Variants in PCDHA2 observed in about 807,000 individuals in gnomAD.
The protein encoded by PCDHA2 is protocadherin alpha 2, also known as protocadherin alpha-2.
PCDHA2 carries 58 observed loss-of-function variants against 66.0 expected under a neutral mutation model. The ratio of observed to expected loss-of-function variants is 0.88; its 90% confidence interval spans 0.71 to 1.09. The LOEUF (loss-of-function observed/expected upper bound fraction) is 1.09, where lower values mean the gene tolerates loss of function less well. PCDHA2 is among the 50% of genes least tolerant of loss of function. The probability of loss-of-function intolerance (pLI) is 0.00; values close to 1 mark genes in which losing one functional copy is unlikely to be tolerated. For missense variants in PCDHA2, 1,267 were observed against 1,242.3 expected, an observed-to-expected ratio of 1.02 and a Z score of -0.30; for synonymous variants, 634 against 554.0, an observed-to-expected ratio of 1.14 and a Z score of -2.03.
At chr5:140,876,859 T>A in intron 1 of PCDHA2, 1 of 1,614,068 alleles carries the variant, frequency 6.2e-7, no homozygotes, top group Non-Finnish European at 8.5e-7. Flanking sequence ...GTACACAGTG[T>A]TCGTGAAGGA....
chr5:140,967,865 C>G, intron 1 of PCDHA2: 1 of 1,614,164 alleles, frequency 6.2e-7, no homozygotes, highest in Non-Finnish European at 8.5e-7. Flanking sequence ...AGAGGTGGTG[C>G]TCACGGACCT....
At chr5:140,807,899 A>C (rs1391356364) in intron 1 of PCDHA2, 3 of 1,614,010 alleles carry the variant, frequency 1.9e-6, no homozygotes, top group Non-Finnish European at 2.5e-6. Context: ...TGCCAATGAC[A>C]ATGCCCCAGC....
chr5:140,825,182 T>C (rs1768472310), intron 1 of PCDHA2: 1 of 151,808 alleles, frequency 6.6e-6, no homozygotes. Context: ...CTAATGTATC[T>C]TGATGATCAT....
chr5:140,870,695 A>C, intron 1 of PCDHA2: 1 of 1,613,024 alleles, frequency 6.2e-7, no homozygotes, highest in East Asian at 2.2e-5. Context: ...GAGCTGCTAC[A>C]GTTCCAGGTG....
chr5:140,879,989 C>T (rs1223310901), intron 1 of PCDHA2, among the ~76,000 whole-genome samples: 3 of 152,182 alleles, frequency 2.0e-5, no homozygotes, highest in African/African-American at 7.2e-5. Flanking sequence ...AGATCCTTAA[C>T]TTAATCATAT....
At chr5:140,967,579 C>G in intron 1 of PCDHA2, 7 of 1,614,154 alleles carry the variant, frequency 4.3e-6, no homozygotes, top group South Asian at 1.1e-5. Context: ...AGGACTCACC[C>G]CCAGGCACAT....
At position 140,923,318 on chromosome 5, in the gene PCDHA2, A is replaced by G. The variant is rs189105018; in HGVS notation, c.2389-55631A>G. Among the ~76,000 whole-genome samples the G allele has an allele frequency of 8.1e-3, 1,226 of 152,276 alleles. 6 individuals are homozygous for G. The highest frequency in any genetic ancestry group is 0.019 in the African/African-American group (794 of 41,558). On this transcript the variant is annotated intron_variant, in intron 1 of 3. Transcript: ENST00000526136. ...CTGGGCGTGGGGGCGCTTGGCCTAG[A>G]AGTTCAAGGACAGTTTGGGCAACAT...
intron 1 of PCDHA2, among the ~76,000 whole-genome samples, chr5:140,846,781 T>C (rs1259185790): frequency 3.3e-5 from 5 of 149,452 alleles, no homozygotes; most frequent in African/African-American, 4.9e-5. Context: ...TCAGGAATTA[T>C]TACTGAGCCC....
At chr5:140,942,406 G>GT (rs1554214961) in intron 1 of PCDHA2, among the ~76,000 whole-genome samples, 2 of 149,658 alleles carry the variant, frequency 1.3e-5, no homozygotes, top group South Asian at 2.1e-4. Flanking sequence ...ATGAGACTCT[G>GT]TTTAAAAAAA....
intron 1 of PCDHA2, among the ~76,000 whole-genome samples, chr5:140,964,992 A>G (rs1459979924): frequency 6.6e-6 from 1 of 152,098 alleles, no homozygotes; most frequent in Non-Finnish European, 1.5e-5. Flanking sequence ...CAGGCCTTTG[A>G]ATTCTGGGTG....
intron 1 of PCDHA2, among the ~76,000 whole-genome samples, chr5:140,906,598 C>T (rs1258343234): frequency 6.6e-6 from 1 of 152,238 alleles, no homozygotes; most frequent in African/African-American, 2.4e-5. Flanking sequence ...TCCTCTACTA[C>T]TCATTCTGTA....
chr5:140,875,694 T>C, intron 1 of PCDHA2: 1 of 1,614,008 alleles, frequency 6.2e-7, no homozygotes, highest in South Asian at 1.1e-5. Flanking sequence ...ACGGGGACCT[T>C]CTGGAGGTAA....
At chr5:140,969,131 A>C in intron 1 of PCDHA2, 1 of 1,614,138 alleles carries the variant, frequency 6.2e-7, no homozygotes, top group African/African-American at 1.3e-5. Flanking sequence ...CTCCCTCACC[A>C]AGACCTACTG....
chr5:140,847,732 A>G (rs1781156684), intron 1 of PCDHA2: 1 of 149,812 alleles, frequency 6.7e-6, no homozygotes, highest in Admixed American at 6.7e-5. Flanking sequence ...AGAGAAAAAT[A>G]TATTTTCTCC....
intron 1 of PCDHA2, chr5:140,848,980 T>C (rs1554142681): frequency 1.9e-6 from 3 of 1,599,772 alleles, no homozygotes; most frequent in Non-Finnish European, 1.7e-6. Flanking sequence ...GATGCAGATA[T>C]CGGGGAGAAC....
At chr5:140,819,602 A>C (rs2150104699) in intron 1 of PCDHA2, among the ~76,000 whole-genome samples, 21 of 152,236 alleles carry the variant, frequency 1.4e-4, no homozygotes, top group African/African-American at 5.1e-4. Context: ...TTTCCTGTGG[A>C]GTCTCCCATG....
At chr5:140,821,258 G>T (rs1766929634) in intron 1 of PCDHA2, among the ~76,000 whole-genome samples, 1 of 152,038 alleles carries the variant, frequency 6.6e-6, no homozygotes, top group South Asian at 2.1e-4. Context: ...ACTCTTAAAA[G>T]TTATTTTTAT....
chr5:141,009,760 A>T lies in PCDHA2; in HGVS notation c.2670A>T (p.Gly890=), dbSNP rs782167920. The change falls in exon 4 of 4, where the codon GGA becomes GGT. Residue 890 remains glycine, a synonymous_variant. Transcript: ENST00000526136. ...TGCCCGACAAATTCATTATCCCAGG[A>T]TCTCCTGCAATCATCTCCATCCGGC... ...GELPDKFIIP[G]SPAIISIRQE... is the part of the protein sequence containing the mutation. 1.9e-6 allele frequency: 3 copies of T among 1,614,130 alleles called. No individual in the cohort carries two copies. Among genetic ancestry groups the T allele is most frequent in the Admixed American group, 3.3e-5 (2 of 60,020 alleles).
chr5:140,882,119 T>C, intron 1 of PCDHA2: 1 of 1,438,056 alleles, frequency 7.0e-7, no homozygotes, highest in South Asian at 1.4e-5. Context: ...AGCCGCCGTT[T>C]CTTTCTTCCT....
Sources: gnomAD v4.1 joint callset for allele counts (sites outside exome capture counted in the v4.1 genomes callset) on GRCh38, gnomAD v4.1.1 for gene constraint, MANE v1.5 for transcripts, NCBI Gene and HGNC (gene_info 2026-07-23, HGNC 2026-07-21) for gene names.